Variants in GPHN observed in about 807,000 individuals in gnomAD.
The protein encoded by GPHN is gephyrin.
Under a neutral mutation model 95.5 loss-of-function variants are expected in GPHN, and 17 were observed. The observed-to-expected ratio is 0.18, with a 90% CI of 0.12 to 0.27. GPHN has a LOEUF of 0.27. GPHN is among the 10% of genes least tolerant of loss of function. The pLI, the probability that GPHN is intolerant of heterozygous loss-of-function variation, is 1.00. For missense variants in GPHN, 660 were observed against 978.1 expected, an observed-to-expected ratio of 0.67 and a Z score of 4.34; for synonymous variants, 320 against 322.5, an observed-to-expected ratio of 0.99 and a Z score of 0.08.
At chr14:67,115,433 T>C (rs537296900) in intron 16 of GPHN, among the ~76,000 whole-genome samples, 34 of 152,264 alleles carry the variant, frequency 2.2e-4, no homozygotes, top group African/African-American at 8.2e-4. Context: ...TTAGTTTCCT[T>C]TGATACATAT....
intron 1 of GPHN, among the ~76,000 whole-genome samples, chr14:66,630,735 G>C (rs1309354770): frequency 6.6e-6 from 1 of 152,164 alleles, no homozygotes; most frequent in Non-Finnish European, 1.5e-5. Flanking sequence ...GCCTCCCAAA[G>C]TGCTGAGATT....
intron 1 of GPHN, among the ~76,000 whole-genome samples, chr14:66,666,180 A>C (rs1028383790): frequency 6.6e-6 from 1 of 152,052 alleles, no homozygotes; most frequent in African/African-American, 2.4e-5. Flanking sequence ...CAGCACAGCA[A>C]CATGGCACAC....
At chr14:67,668,836 T>C in the GPHN span, among the ~76,000 whole-genome samples, 1 of 152,162 alleles carries the variant, frequency 6.6e-6, no homozygotes, top group South Asian at 2.1e-4. Flanking sequence ...ATGATGCTGA[T>C]GCAGCTGGTT....
intron 5 of GPHN, among the ~76,000 whole-genome samples, chr14:66,882,471 C>A (rs1321732342): frequency 6.6e-6 from 1 of 151,728 alleles, no homozygotes; most frequent in African/African-American, 2.4e-5. Context: ...AACTTAATAT[C>A]CTCCAGATTT....
At chr14:66,551,816 C>T (rs886889507) in intron 1 of GPHN, among the ~76,000 whole-genome samples, 1 of 152,130 alleles carries the variant, frequency 6.6e-6, no homozygotes, top group African/African-American at 2.4e-5. Flanking sequence ...TTTAAACAAC[C>T]AGATCTCGTG....
chr14:66,856,662 CAAGG>C (rs1433617890), intron 4 of GPHN, among the ~76,000 whole-genome samples: 1 of 151,912 alleles, frequency 6.6e-6, no homozygotes, highest in Non-Finnish European at 1.5e-5. Flanking sequence ...ATAAAAATAA[CAAGG>C]AGACTATAGA....
intron 1 of GPHN, among the ~76,000 whole-genome samples, chr14:66,528,666 A>G (rs2058788017): frequency 1.3e-5 from 2 of 152,222 alleles, no homozygotes; most frequent in South Asian, 2.1e-4. Context: ...TCGTGGTGAC[A>G]GAATCTCAGC....
At chr14:67,307,075 CTT>C in the GPHN span, among the ~76,000 whole-genome samples, 23,449 of 152,046 alleles carry the variant, frequency 0.15, 3,395 homozygotes, top group East Asian at 0.42. Flanking sequence ...GAAGTGCTCT[CTT>C]GAGTTCTTAA....
At chr14:66,725,985 T>A (rs28624755) in intron 2 of GPHN, among the ~76,000 whole-genome samples, 49,667 of 152,070 alleles carry the variant, frequency 0.33, 11,883 homozygotes, top group African/African-American at 0.65. Flanking sequence ...AATTGTTATT[T>A]TCATAATCTC....
intron 5 of GPHN, among the ~76,000 whole-genome samples, chr14:66,903,313 A>G (rs1161136866): frequency 2.0e-5 from 3 of 152,078 alleles, no homozygotes; most frequent in Admixed American, 6.6e-5. Flanking sequence ...TTGTTATATC[A>G]TTTTGCTGAA....
the GPHN span, among the ~76,000 whole-genome samples, chr14:67,482,483 C>T: frequency 2.0e-5 from 3 of 152,266 alleles, no homozygotes; most frequent in African/African-American, 7.2e-5. Context: ...GAAGGCCTTC[C>T]GCTTTCACTC....
chr14:66,614,468 T>C (rs576120655), intron 1 of GPHN, among the ~76,000 whole-genome samples: 1 of 152,244 alleles, frequency 6.6e-6, no homozygotes, highest in South Asian at 2.1e-4. Context: ...TGAATTAATT[T>C]AAAACTTATT....
At chr14:67,402,135 A>G in the GPHN span, among the ~76,000 whole-genome samples, 1 of 150,272 alleles carries the variant, frequency 6.7e-6, no homozygotes, top group Non-Finnish European at 1.5e-5. Context: ...GTCCATCTCA[A>G]ACAACAACAA....
At chr14:67,517,478 C>G in the GPHN span, among the ~76,000 whole-genome samples, 3 of 152,082 alleles carry the variant, frequency 2.0e-5, no homozygotes, top group East Asian at 5.8e-4. Flanking sequence ...ACATTGAGGT[C>G]AAAGAAAAAT....
intron 11 of GPHN, among the ~76,000 whole-genome samples, chr14:67,069,998 A>G (rs1169319230): frequency 6.6e-6 from 1 of 152,168 alleles, no homozygotes; most frequent in Non-Finnish European, 1.5e-5. Flanking sequence ...TTCACTTAGA[A>G]TGATTCTACT....
intron 3 of GPHN, among the ~76,000 whole-genome samples, chr14:66,808,890 A>C (rs1391189432): frequency 2.0e-5 from 3 of 152,240 alleles, no homozygotes; most frequent in Non-Finnish European, 2.9e-5. Context: ...GGAATTCTTC[A>C]TGGAGAACAT....
intron 1 of GPHN, among the ~76,000 whole-genome samples, chr14:66,520,996 C>T (rs1280737402): frequency 1.3e-5 from 2 of 152,066 alleles, no homozygotes; most frequent in East Asian, 3.9e-4. Flanking sequence ...GGATAATGAC[C>T]TCCAGCTCCA....
intron 1 of GPHN, among the ~76,000 whole-genome samples, chr14:66,587,019 G>A (rs1017978442): frequency 6.6e-6 from 1 of 151,966 alleles, no homozygotes; most frequent in African/African-American, 2.4e-5. Flanking sequence ...AATGACAGAA[G>A]ACTGAAATAT....
At chr14:67,155,724 T>C (rs2081545028) in intron 18 of GPHN, among the ~76,000 whole-genome samples, 1 of 152,130 alleles carries the variant, frequency 6.6e-6, no homozygotes, top group African/African-American at 2.4e-5. Flanking sequence ...TTTAAAATAT[T>C]GGCGGATAGT....
Sources: allele counts gnomAD v4.1 joint callset (sites outside exome capture counted in the v4.1 genomes callset), GRCh38; gene constraint gnomAD v4.1.1; transcripts MANE v1.5; gene names NCBI Gene and HGNC (gene_info 2026-07-23, HGNC 2026-07-21).